Variants in SMC5 observed in about 807,000 individuals in gnomAD.
The protein encoded by SMC5 is structural maintenance of chromosomes 5.
SMC5 carries 88 observed loss-of-function variants against 148.3 expected under a neutral mutation model. That is an observed-to-expected ratio of 0.59 (90% CI 0.50 to 0.71). The LOEUF (loss-of-function observed/expected upper bound fraction) is 0.71. Among genes scored for constraint, SMC5 ranks in the 30% least tolerant of loss-of-function variants. SMC5 has a pLI of 0.00. For synonymous variants in SMC5, 421 were observed against 432.8 expected (o/e 0.97, Z 0.34); for missense variants, 1,142 against 1,298.9 (o/e 0.88, Z 1.86).
Position 70,335,316 on chromosome 9 carries a change from T to C in SMC5, c.2398-8828T>C, listed in dbSNP as rs531565336. ...CAGCCTGGGCAACATAGCAAGACCC[T>C]GTTTCTACAAAAAGTTAAAAATTTG... On this transcript the variant is annotated intron_variant, in intron 17 of 24. Coordinates refer to ENST00000361138, the MANE Select transcript of SMC5 (RefSeq NM_015110.4). 1.5e-3 allele frequency among the ~76,000 whole-genome samples: 225 copies of C among 152,214 alleles called. 1 individual carries two copies. Among genetic ancestry groups the C allele is most frequent in the African/African-American group, 5.2e-3 (217 of 41,538 alleles).
chr9:70,349,316 C>T (rs536116494), intron 22 of SMC5, among the ~76,000 whole-genome samples: 12 of 152,318 alleles, frequency 7.9e-5, no homozygotes, highest in African/African-American at 2.9e-4. Context: ...ATCCACCCCC[C>T]TCGGCCTCCC....
intron 1 of SMC5, among the ~76,000 whole-genome samples, chr9:70,262,442 T>C (rs1360512343): frequency 6.6e-6 from 1 of 152,112 alleles, no homozygotes; most frequent in East Asian, 1.9e-4. Context: ...GATTGGATGA[T>C]GGAGTGGTGG....
intron 8 of SMC5, among the ~76,000 whole-genome samples, chr9:70,297,145 C>T (rs2035223277): frequency 6.6e-6 from 1 of 152,118 alleles, no homozygotes. Flanking sequence ...GAGAATACAA[C>T]CCAAGTCCAA....
chr9:70,352,248 C>T lies in SMC5; in HGVS notation c.3223C>T (p.Pro1075Ser). 6.2e-7 allele frequency: 1 copy of T among 1,613,600 alleles called. No homozygotes were observed. The highest frequency in any genetic ancestry group is 8.5e-7 in the Non-Finnish European group (1 of 1,179,804). ...KMTVLFVYNG[P>S]HMLEPNTWNL... ...GACAGTTTTGTTTGTCTACAATGGC[C>T]CTCATATGCTGGAACCAAACACATG... Residue 1075 changes from proline to serine, a missense_variant, in exon 25 of 25, where the codon CCT (proline) becomes TCT (serine). This residue lies in a region of SMC5 where 63 missense variants were observed against 65.7 expected (regional missense o/e 0.96). Transcript: ENST00000361138.
intron 7 of SMC5, among the ~76,000 whole-genome samples, chr9:70,285,646 A>C (rs536440620): frequency 6.6e-6 from 1 of 152,356 alleles, no homozygotes; most frequent in East Asian, 1.9e-4. Context: ...TAGTAGTCTT[A>C]GTCTATAATG....
At chr9:70,270,183 C>G (rs1036012128) in intron 3 of SMC5, among the ~76,000 whole-genome samples, 22 of 152,116 alleles carry the variant, frequency 1.4e-4, no homozygotes, top group African/African-American at 4.8e-4. Context: ...TTCTCAGGAC[C>G]CCTTTCTTGG....
chr9:70,325,815 A>G lies in SMC5; in HGVS notation c.2397+1672A>G, dbSNP rs367889760. The stretch of plus-strand genomic sequence containing the variant: ...ATATTAGATGTTTTGGGAGAGGAAA[A>G]TAAGAGAGATATTCAAAATTATTTA... On this transcript the variant is annotated intron_variant, in intron 17 of 24. Coordinates refer to ENST00000361138, the MANE Select transcript of SMC5 (RefSeq NM_015110.4). Among the ~76,000 whole-genome samples the G allele has an allele frequency of 5.3e-5, 8 of 152,306 alleles. No individual in the cohort carries two copies. In the South Asian group the frequency reaches 1.4e-3, roughly 28 times the overall value.
Position 70,315,558 on chromosome 9 carries a change from AC to A in SMC5, c.1788del (p.Arg597GlufsTer7). On this transcript the variant is annotated frameshift_variant, in exon 13 of 25. Transcript: ENST00000361138. LOFTEE classifies it high-confidence loss of function. ...TGAAGTTCCTGTAGGAACTGAAAAG[AC>A]CAGAGAAAGAATTGAACGGGTAGGA... is the stretch of plus-strand genomic sequence containing the variant. The part of the protein sequence containing the change: ...IHEVPVGTEK[T>X]RERIERVIQE... 6.3e-7 allele frequency: 1 copy of A among 1,588,596 alleles called. No homozygotes were observed. The highest frequency in any genetic ancestry group is 1.3e-5 in the African/African-American group (1 of 74,568).
At position 70,278,629 on chromosome 9, in the gene SMC5, CT is replaced by C; in HGVS notation, c.678+7del. ...GGAGAAAGAAAAACAGCTCGAGGTA[CT>C]TTAAATAGACAACTCATTTGTATTG... is the stretch of plus-strand genomic sequence containing the variant. On this transcript the variant is annotated splice_donor_5th_base_variant and intron_variant, in intron 5 of 24. Coordinates refer to ENST00000361138, the MANE Select transcript of SMC5 (RefSeq NM_015110.4). The C allele has an allele frequency of 6.3e-7, 1 of 1,595,182 alleles. No individual in the cohort carries two copies. The highest frequency in any genetic ancestry group is 8.5e-7 in the Non-Finnish European group (1 of 1,175,124).
At chr9:70,351,622 A>G (rs772202606) in intron 24 of SMC5, among the ~76,000 whole-genome samples, 8 of 152,178 alleles carry the variant, frequency 5.3e-5, no homozygotes, top group Admixed American at 1.3e-4. Flanking sequence ...CTCTTTTCCA[A>G]GGTCTGCCAA....
intron 17 of SMC5, among the ~76,000 whole-genome samples, chr9:70,336,536 A>T (rs1006713415): frequency 6.6e-6 from 1 of 152,218 alleles, no homozygotes; most frequent in African/African-American, 2.4e-5. Flanking sequence ...GTCCAGCAAA[A>T]AGCAATCAAA....
In SMC5 at chr9:70,352,322, A is replaced by G. The variant is rs775436455; in HGVS notation, c.3297A>G (p.Gln1099=). The G allele has an allele frequency of 3.8e-6, 6 of 1,591,246 alleles. No individual in the cohort carries two copies. The highest frequency in any genetic ancestry group is 1.2e-5 in the South Asian group (1 of 86,384). The change falls in exon 25 of 25, where the codon CAA becomes CAG. Residue 1099 remains glutamine, a synonymous_variant. Coordinates refer to ENST00000361138, the MANE Select transcript of SMC5 (RefSeq NM_015110.4). Reference sequence around the variant, plus strand: ...GGCGGCGCCGTATTACATTCACTCAACCTTCTTAATAAAAGTAAAGAGAGG... The same window carrying G: ...GGCGGCGCCGTATTACATTCACTCAGCCTTCTTAATAAAAGTAAAGAGAGG... ...QRRRRRITFT[Q]PS
intron 2 of SMC5, among the ~76,000 whole-genome samples, chr9:70,267,606 CA>C (rs1269756076): frequency 1.3e-5 from 2 of 152,168 alleles, no homozygotes; most frequent in Non-Finnish European, 2.9e-5. Flanking sequence ...GACAAGTACA[CA>C]GGCTCTGGAG....
At chr9:70,320,177 T>G (rs1256539293) in intron 15 of SMC5, among the ~76,000 whole-genome samples, 2 of 152,242 alleles carry the variant, frequency 1.3e-5, no homozygotes, top group East Asian at 3.8e-4. Context: ...ATTTATACTT[T>G]TGAATATACT....
chr9:70,268,760 G>C (rs1474921764), intron 3 of SMC5, among the ~76,000 whole-genome samples: 1 of 152,102 alleles, frequency 6.6e-6, no homozygotes, highest in Non-Finnish European at 1.5e-5. Flanking sequence ...TCTCATGTAT[G>C]ACAAGGACTT....
At chr9:70,339,612 T>C (rs918760375) in intron 17 of SMC5, among the ~76,000 whole-genome samples, 4 of 151,906 alleles carry the variant, frequency 2.6e-5, no homozygotes, top group African/African-American at 7.3e-5. Flanking sequence ...CAAAGAGAAA[T>C]TTTTTTTTCC....
intron 10 of SMC5, among the ~76,000 whole-genome samples, chr9:70,303,446 CCT>C (rs2035415380): frequency 6.6e-6 from 1 of 152,068 alleles, no homozygotes; most frequent in Non-Finnish European, 1.5e-5. Flanking sequence ...GTACCTCCCC[CCT>C]CAAATTGCGA....
At chr9:70,270,524 C>T (rs2034418262) in intron 3 of SMC5, among the ~76,000 whole-genome samples, 1 of 152,162 alleles carries the variant, frequency 6.6e-6, no homozygotes. Context: ...TTCTGGTGAC[C>T]AGCCCACATC....
chr9:70,312,353 T>C (rs534266889), intron 11 of SMC5, among the ~76,000 whole-genome samples: 4 of 152,196 alleles, frequency 2.6e-5, no homozygotes, highest in African/African-American at 9.6e-5. Flanking sequence ...GAACTCACTA[T>C]CACGAAACAG....
Sources: allele counts gnomAD v4.1 joint callset (sites outside exome capture counted in the v4.1 genomes callset), GRCh38; gene constraint gnomAD v4.1.1; regional missense constraint gnomAD v4.1.1; transcripts MANE v1.5; gene names NCBI Gene and HGNC (gene_info 2026-07-23, HGNC 2026-07-21).